Variants in MED12L observed in about 807,000 individuals in gnomAD.
The protein encoded by MED12L is mediator complex subunit 12L.
Under a neutral mutation model 281.3 loss-of-function variants are expected in MED12L, and 60 were observed. The observed-to-expected ratio is 0.21, with a 90% CI of 0.17 to 0.26. The LOEUF is 0.26. MED12L is among the 10% of genes least tolerant of loss of function. The pLI, the probability that MED12L is intolerant of heterozygous loss-of-function variation, is 1.00. For synonymous variants in MED12L, 974 were observed against 987.2 expected, an observed-to-expected ratio of 0.99 and a Z score of 0.25; for missense variants, 2,146 against 2,680.9, an observed-to-expected ratio of 0.80 and a Z score of 4.41.
intron 5 of MED12L, among the ~76,000 whole-genome samples, chr3:151,144,771 TC>T (rs1428364905): frequency 6.6e-6 from 1 of 152,044 alleles, no homozygotes; most frequent in Non-Finnish European, 1.5e-5. Context: ...TTCCTTCCCT[TC>T]CCCACCACCT....
chr3:151,433,794 G>A lies in MED12L; in HGVS notation c.*990G>A, dbSNP rs1210952249. 6.6e-6 allele frequency: 1 copy of A among 152,598 alleles called. No homozygotes were observed. The highest frequency in any genetic ancestry group is 2.4e-5 in the African/African-American group (1 of 41,454). 9.5% of individuals were successfully genotyped at this position (152,598 alleles called of 1,614,324 possible). On this transcript the variant is annotated 3_prime_UTR_variant, in exon 45 of 45. Transcript: ENST00000687756. ...AAAAGGTGTATTTGCTGTTTATTTT[G>A]TATGGTAAGTATTTGCTCTTTTGAA...
intron 5 of MED12L, among the ~76,000 whole-genome samples, chr3:151,153,564 C>CTTTTTTTTTTTTTTTT (rs1177653143): frequency 8.5e-5 from 8 of 94,254 alleles, no homozygotes; most frequent in Non-Finnish European, 9.9e-5. Context: ...TGTTTTCTTT[C>CTTTTTTTTTTTTTTTT]TTTTTTTTTT....
intron 20 of MED12L, among the ~76,000 whole-genome samples, chr3:151,358,849 G>A (rs954439372): frequency 6.6e-6 from 1 of 152,106 alleles, no homozygotes; most frequent in Non-Finnish European, 1.5e-5. Context: ...CTATACGATG[G>A]ATACCTAAAC....
Position 151,188,375 on chromosome 3 carries a change from T to G in MED12L, c.1648T>G (p.Leu550Val). The change falls in exon 13 of 45, where the codon TTA becomes GTA. Residue 550 changes from leucine to valine, a missense_variant. Physicochemically the swap from Leu to Val is conservative, Grantham distance 32 (BLOSUM62 1). This residue lies in a region of MED12L where 722 missense variants were observed against 861.2 expected (regional missense o/e 0.84). Coordinates refer to ENST00000687756, the MANE Select transcript of MED12L (RefSeq NM_001393769.1). ...EAERCGESEV[L>V]DEKESISSSS... ...GTAGAGATGTGGTGAATCAGAAGTCTTAGATGAGAAGGAGTCTATTTCTTC... is the reference window on the plus strand; with the variant it reads ...GTAGAGATGTGGTGAATCAGAAGTCGTAGATGAGAAGGAGTCTATTTCTTC... 1 of 1,607,328 alleles carries G rather than the reference T, an allele frequency of 6.2e-7. No homozygotes were observed. The highest frequency in any genetic ancestry group is 8.5e-7 in the Non-Finnish European group (1 of 1,173,964).
rs1720088085 is a variant in MED12L at position 151,435,726 on chromosome 3, A to G, written c.*2922A>G. 2.6e-5 allele frequency: 4 copies of G among 152,320 alleles called. No individual in the cohort carries two copies. The South Asian group carries it at 8.3e-4, about 32-fold the overall frequency. The allele number at this position is 152,320 out of a possible 1,614,324, so 9.4% of individuals were successfully genotyped here. On this transcript the variant is annotated 3_prime_UTR_variant, in exon 45 of 45. Transcript: ENST00000687756. ...AGATCAATCATTTAATATTCCCCAA[A>G]TTAATTCAGGTTGAATTAAGCATGT... is the stretch of plus-strand genomic sequence containing the variant.
rs183446518 is a variant in MED12L at position 151,205,378 on chromosome 3, A to G, written c.2250+11712A>G. On this transcript the variant is annotated intron_variant, in intron 16 of 44. Transcript: ENST00000687756. ...AAAATTAAAGCTAAATTGTCCACCAAGTTATGAATTGAGAAAGAAAATATT... is the reference window on the plus strand; with the variant it reads ...AAAATTAAAGCTAAATTGTCCACCAGGTTATGAATTGAGAAAGAAAATATT... 1.5e-3 allele frequency among the ~76,000 whole-genome samples: 231 copies of G among 152,360 alleles called. 5 individuals carry two copies. In the South Asian group the frequency reaches 0.043, roughly 28 times the overall value.
Position 151,394,719 on chromosome 3 carries a change from A to G in MED12L, c.5672A>G (p.Asn1891Ser). Reference protein sequence around the residue: ...VPTNTKQALSNMLQRRSGAMM... With the variant: ...VPTNTKQALSSMLQRRSGAMM... ...ACCAACACCAAACAAGCTCTGTCAAACATGCTACAGCGGCGCTCAGGCGCC... is the reference window on the plus strand; with the variant it reads ...ACCAACACCAAACAAGCTCTGTCAAGCATGCTACAGCGGCGCTCAGGCGCC... The change falls in exon 39 of 45, where the codon AAC becomes AGC. Residue 1891 changes from asparagine to serine, a missense_variant. Transcript: ENST00000687756. 1.9e-6 allele frequency: 3 copies of G among 1,614,272 alleles called. No individual in the cohort carries two copies. Among genetic ancestry groups the G allele is most frequent in the Non-Finnish European group, 2.5e-6 (3 of 1,180,046 alleles).
intron 6 of MED12L, among the ~76,000 whole-genome samples, chr3:151,157,952 T>C (rs1366993241): frequency 6.6e-6 from 1 of 152,220 alleles, no homozygotes; most frequent in Non-Finnish European, 1.5e-5. Flanking sequence ...ATATTAAATC[T>C]ATATGTGCAT....
In MED12L at chr3:151,363,048, G is replaced by A. The variant is rs927579852; in HGVS notation, c.2958-1931G>A. Among the ~76,000 whole-genome samples the A allele has an allele frequency of 3.3e-5, 5 of 152,022 alleles. No individual in the cohort carries two copies. In the South Asian group the frequency reaches 8.3e-4, roughly 25 times the overall value. The stretch of plus-strand genomic sequence containing the variant: ...CTATTTGACCCTTAATACTCCTGCA[G>A]TGTGGTGCAAATAGGTTAAATGAGG... On this transcript the variant is annotated intron_variant, in intron 21 of 44. Transcript: ENST00000687756.
chr3:151,104,962 T>C (rs973609135), intron 2 of MED12L, among the ~76,000 whole-genome samples: 2 of 152,208 alleles, frequency 1.3e-5, no homozygotes, highest in Non-Finnish European at 2.9e-5. Context: ...CATGACTGTC[T>C]TAACTTGGTC....
chr3:151,135,024 A>T (rs1715941364), intron 5 of MED12L, among the ~76,000 whole-genome samples: 1 of 151,664 alleles, frequency 6.6e-6, no homozygotes, highest in Admixed American at 6.6e-5. Context: ...GACAGTACTT[A>T]TTTATTTATT....
chr3:151,422,487 C>T (rs1328163633), intron 43 of MED12L, among the ~76,000 whole-genome samples: 2 of 152,176 alleles, frequency 1.3e-5, no homozygotes, highest in South Asian at 2.1e-4. Flanking sequence ...TTTGCCTCCA[C>T]CTTCGCAGGC....
intron 11 of MED12L, among the ~76,000 whole-genome samples, chr3:151,183,243 G>A (rs538132058): frequency 2.0e-5 from 3 of 152,306 alleles, no homozygotes; most frequent in East Asian, 1.9e-4. Context: ...TCAAGACCAT[G>A]CCTCTCGTAA....
chr3:151,375,849 C>G (rs997927263), intron 27 of MED12L, among the ~76,000 whole-genome samples, 177 bp from the exon 28 acceptor site: 1 of 151,790 alleles, frequency 6.6e-6, no homozygotes, highest in African/African-American at 2.4e-5. Flanking sequence ...TTTTAGAAGC[C>G]AAAATGCTAA....
intron 7 of MED12L, 45 bp from the exon 8 acceptor site, chr3:151,159,787 G>A (rs1560105584): frequency 1.0e-5 from 16 of 1,541,606 alleles, no homozygotes; most frequent in Non-Finnish European, 1.4e-5. Context: ...ATTTAACCAA[G>A]ACGCATAAGA....
In MED12L at chr3:151,192,469, TC is replaced by T. The variant is rs150097663; in HGVS notation, c.1969-78del. ...AACAAAAGACAGAGATGGTTAAAAA[TC>T]CCACTGTCATGTTTTAGCTTCAGTT... is the stretch of plus-strand genomic sequence containing the variant. On this transcript the variant is annotated intron_variant, in intron 14 of 44. Coordinates refer to ENST00000687756, the MANE Select transcript of MED12L (RefSeq NM_001393769.1). 2.2e-3 allele frequency: 2,216 copies of T among 998,540 alleles called. 43 individuals carry two copies. The African/African-American group carries it at 0.03, about 14-fold the overall frequency. 61.9% of individuals were successfully genotyped at this position (998,540 alleles called of 1,614,324 possible).
intron 37 of MED12L, among the ~76,000 whole-genome samples, chr3:151,389,515 C>G (rs945734120): frequency 6.6e-6 from 1 of 152,128 alleles, no homozygotes; most frequent in African/African-American, 2.4e-5. Context: ...TTCTTTAGAA[C>G]GATGTCTGGA....
chr3:151,357,413 T>C, intron 20 of MED12L, 37 bp downstream of exon 20: 1 of 1,524,732 alleles, frequency 6.6e-7, no homozygotes, highest in Non-Finnish European at 8.8e-7. Flanking sequence ...TTTTCCAATC[T>C]CAGAATGTAT....
At chr3:151,143,660 A>G (rs1418278618) in intron 5 of MED12L, among the ~76,000 whole-genome samples, 2 of 151,902 alleles carry the variant, frequency 1.3e-5, no homozygotes, top group South Asian at 2.1e-4. Flanking sequence ...TTTCTTCCCC[A>G]TGTCTCCTCT....
Sources: gnomAD v4.1 joint callset for allele counts (sites outside exome capture counted in the v4.1 genomes callset) on GRCh38, gnomAD v4.1.1 for gene constraint, gnomAD v4.1.1 regional missense constraint, MANE v1.5 for transcripts, NCBI Gene and HGNC (gene_info 2026-07-23, HGNC 2026-07-21) for gene names.